The following DGCR2 variants were observed in gnomAD, a reference collection of about 807,000 sequenced individuals.
DGCR2 encodes the protein DiGeorge syndrome critical region gene 2.
A neutral mutation model predicts 51.6 loss-of-function variants in DGCR2; 24 were observed. The observed-to-expected ratio is 0.47, with a 90% confidence interval of 0.34 to 0.65. The LOEUF is 0.65. DGCR2 is among the 30% of genes least tolerant of loss of function. DGCR2 has a pLI of 0.01. For missense variants in DGCR2, 765 were observed against 772.1 expected, an observed-to-expected ratio of 0.99 and a Z score of 0.11; for synonymous variants, 340 against 315.4, an observed-to-expected ratio of 1.08 and a Z score of -0.82.
chr22:19,101,296 C>T (rs534775756), intron 1 of DGCR2, among the ~76,000 whole-genome samples: 1 of 152,240 alleles, frequency 6.6e-6, no homozygotes, highest in South Asian at 2.1e-4. Flanking sequence ...TTCATACTAG[C>T]CAAGAGGCAG....
intron 1 of DGCR2, among the ~76,000 whole-genome samples, chr22:19,095,319 G>A (rs768661394): frequency 7.7e-4 from 117 of 152,038 alleles, no homozygotes; most frequent in Non-Finnish European, 2.9e-4. Flanking sequence ...TCGAAATCAC[G>A]CCACTGCTCT....
At chr22:19,082,749 T>C (rs1288648512) in intron 2 of DGCR2, among the ~76,000 whole-genome samples, 4 of 121,732 alleles carry the variant, frequency 3.3e-5, no homozygotes, top group East Asian at 2.4e-4. Flanking sequence ...AGAGCGAAAC[T>C]CCATCTCCAA....
Position 19,038,745 on chromosome 22 carries a change from G to T in DGCR2, c.*120C>A. 1 of 1,372,780 alleles carries T rather than the reference G, an allele frequency of 7.3e-7. No homozygotes were observed. Among genetic ancestry groups the T allele is most frequent in the Non-Finnish European group, 1.0e-6 (1 of 1,001,148 alleles). The allele number at this position is 1,372,780 out of a possible 1,614,324, so 85.0% of individuals were successfully genotyped here. A position where few individuals can be genotyped will look rare whatever the true frequency, so the allele number is the denominator to read the frequency against. On this transcript the variant is annotated 3_prime_UTR_variant, in exon 10 of 10. Transcript: ENST00000263196. The stretch of plus-strand genomic sequence containing the variant: ...TCTATGTACACACGCGAGCCCGCCA[G>T]TGACGTGCGGCAGTGCGTGGCGTCC...
intron 2 of DGCR2, among the ~76,000 whole-genome samples, chr22:19,069,015 G>A (rs143972763): frequency 6.6e-6 from 1 of 152,350 alleles, no homozygotes; most frequent in East Asian, 1.9e-4. Flanking sequence ...GAAGGGGAGT[G>A]ACTTACCCAA....
intron 1 of DGCR2, among the ~76,000 whole-genome samples, chr22:19,096,894 CAAAAA>C (rs35065228): frequency 2.2e-5 from 3 of 138,170 alleles, no homozygotes; most frequent in African/African-American, 7.8e-5. Context: ...AAAAAAAAAA[CAAAAA>C]AAAAAAACAC....
At position 19,038,559 on chromosome 22, in the gene DGCR2, T is replaced by A. The variant is rs2082395587; in HGVS notation, c.*306A>T. ...TGTGGCCATGGCCCACAGTACCTTC[T>A]TCATTCCCTGCCTCTAACATGTGCG... On this transcript the variant is annotated 3_prime_UTR_variant, in exon 10 of 10. Coordinates refer to ENST00000263196, the MANE Select transcript of DGCR2 (RefSeq NM_005137.3). The A allele has an allele frequency of 1.4e-5, 6 of 427,934 alleles. No homozygotes were observed. The highest frequency in any genetic ancestry group is 2.5e-5 in the Non-Finnish European group (6 of 238,492). 26.5% of individuals were successfully genotyped at this position (427,934 alleles called of 1,614,324 possible).
intron 2 of DGCR2, among the ~76,000 whole-genome samples, chr22:19,088,425 A>C (rs1222698493): frequency 6.6e-6 from 1 of 152,244 alleles, no homozygotes; most frequent in Non-Finnish European, 1.5e-5. Flanking sequence ...ACAGAACAAG[A>C]GAATTCCAGG....
At chr22:19,090,998 G>C (rs963069662) in intron 1 of DGCR2, among the ~76,000 whole-genome samples, 1 of 133,914 alleles carries the variant, frequency 7.5e-6, no homozygotes, top group Non-Finnish European at 1.6e-5. Flanking sequence ...ACTTTATATA[G>C]GCATAAATAA....
intron 7 of DGCR2, among the ~76,000 whole-genome samples, chr22:19,042,649 G>A (rs1464351371): frequency 6.6e-6 from 1 of 152,204 alleles, no homozygotes; most frequent in South Asian, 2.1e-4. Context: ...GAAGCCAGGA[G>A]GAGGACCTGC....
intron 4 of DGCR2, among the ~76,000 whole-genome samples, chr22:19,063,798 A>T (rs2082716022): frequency 6.6e-6 from 1 of 152,198 alleles, no homozygotes. Flanking sequence ...TCACAATTTA[A>T]GCAAGAACAA....
At chr22:19,078,136 T>C (rs573378497) in intron 2 of DGCR2, among the ~76,000 whole-genome samples, 2 of 152,326 alleles carry the variant, frequency 1.3e-5, no homozygotes, top group South Asian at 4.1e-4. Context: ...GTGTCTTCTT[T>C]AATTTCTTTT....
chr22:19,122,128 C>T lies in DGCR2; in HGVS notation c.79G>A (p.Glu27Lys). Residue 27 changes from glutamate (E) to lysine (K), a missense_variant and splice_region_variant, in exon 1 of 10, where the codon GAG becomes AAG. Glu to Lys is a moderately conservative substitution (Grantham distance 56). Coordinates refer to ENST00000263196, the MANE Select transcript of DGCR2 (RefSeq NM_005137.3). ...VLTVTEPLRP[E>K]LRCNPGQFAC... ...ACACCGCCCCCATCGCGCGGCGCAC[C>T]TGGCCGCAGCGGCTCGGTGACAGTG... is the stretch of plus-strand genomic sequence containing the variant. 6.7e-7 allele frequency: 1 copy of T among 1,493,888 alleles called. No individual in the cohort carries two copies. Among genetic ancestry groups the T allele is most frequent in the Non-Finnish European group, 8.9e-7 (1 of 1,120,910 alleles). 92.5% of individuals were successfully genotyped at this position (1,493,888 alleles called of 1,614,324 possible).
At chr22:19,055,021 C>T (rs529536147) in intron 6 of DGCR2, among the ~76,000 whole-genome samples, 2 of 152,222 alleles carry the variant, frequency 1.3e-5, no homozygotes, top group African/African-American at 2.4e-5. Context: ...GAGGCTGAGA[C>T]AAGAGAACTG....
At chr22:19,118,486 A>T (rs114798574) in intron 1 of DGCR2, among the ~76,000 whole-genome samples, 145 of 152,228 alleles carry the variant, frequency 9.5e-4, no homozygotes, top group African/African-American at 3.4e-3. Context: ...TACTGAAAGC[A>T]AAAGAGAAAG....
chr22:19,082,226 T>C (rs61213687), intron 2 of DGCR2, among the ~76,000 whole-genome samples: 67 of 138,338 alleles, frequency 4.8e-4, no homozygotes, highest in East Asian at 2.8e-3. Flanking sequence ...TTATTTCTTT[T>C]TTTTTTTTTT....
chr22:19,119,936 T>C (rs1244209115), intron 1 of DGCR2, among the ~76,000 whole-genome samples: 1 of 151,836 alleles, frequency 6.6e-6, no homozygotes, highest in Non-Finnish European at 1.5e-5. Flanking sequence ...ACCTTCCTCA[T>C]ACTCAAGTAT....
rs1235489357 is a variant in DGCR2 at position 19,037,260 on chromosome 22, A to G, written c.*1605T>C. On this transcript the variant is annotated 3_prime_UTR_variant, in exon 10 of 10. Coordinates refer to ENST00000263196, the MANE Select transcript of DGCR2 (RefSeq NM_005137.3). ...GCTCAGGGACAGGCAATTCAGTAAC[A>G]AAACTCACAGCTCTGGACAGTTCTG... 1 of 152,364 alleles carries G rather than the reference A, an allele frequency of 6.6e-6. No individual in the cohort carries two copies. The highest frequency in any genetic ancestry group is 2.4e-5 in the African/African-American group (1 of 41,468). The allele number at this position is 152,364 out of a possible 1,614,324, so 9.4% of individuals were successfully genotyped here. A position where few individuals can be genotyped will look rare whatever the true frequency, so the allele number is the denominator to read the frequency against.
At chr22:19,087,377 C>G (rs1446275970) in intron 2 of DGCR2, among the ~76,000 whole-genome samples, 1 of 152,100 alleles carries the variant, frequency 6.6e-6, no homozygotes, top group Non-Finnish European at 1.5e-5. Flanking sequence ...AGGAGGGGCC[C>G]CCTCTAAACA....
rs1267179478 is a variant in DGCR2 at position 19,048,538 on chromosome 22, G to A, written c.908C>T (p.Pro303Leu). 1.9e-6 allele frequency: 3 copies of A among 1,614,104 alleles called. No homozygotes were observed. The highest frequency in any genetic ancestry group is 2.7e-5 in the African/African-American group (2 of 74,948). Residue 303 changes from proline to leucine, a missense_variant, in exon 7 of 10, where the codon CCT becomes CTT. By Grantham distance (98) the Pro-to-Leu change is moderately conservative (BLOSUM62 -3). This residue lies in a region of DGCR2 where 190 missense variants were observed against 265.2 expected (regional missense o/e 0.72). Transcript: ENST00000263196. ...ACAGAGAGCAGCCACACACATCTCA[G>A]GCTCCCCTCCATGGCAGGTGCAGCT... is the stretch of plus-strand genomic sequence containing the variant. ...CLSCTCHGGE[P>L]EMCVAALCER... is the part of the protein sequence containing the mutation.
Sources: gnomAD v4.1 joint callset for allele counts (sites outside exome capture counted in the v4.1 genomes callset) on GRCh38, gnomAD v4.1.1 for gene constraint, gnomAD v4.1.1 regional missense constraint, MANE v1.5 for transcripts, NCBI Gene and HGNC (gene_info 2026-07-23, HGNC 2026-07-21) for gene names.